KAT6A: variants seen among roughly 807,000 people sequenced by gnomAD.
The protein encoded by KAT6A is lysine acetyltransferase 6A.
In KAT6A, 9 loss-of-function variants were observed where a neutral mutation model predicts 198.4. The observed-to-expected ratio is 0.05, with a 90% CI of 0.03 to 0.08. The LOEUF is 0.08. KAT6A is among the 10% of genes least tolerant of loss of function. KAT6A has a pLI of 1.00. For synonymous variants in KAT6A, 890 were observed against 883.0 expected, an observed-to-expected ratio of 1.01 and a Z score of -0.14; for missense variants, 2,077 against 2,509.9, an observed-to-expected ratio of 0.83 and a Z score of 3.69.
intron 8 of KAT6A, among the ~76,000 whole-genome samples, chr8:41,967,521 C>T (rs866355300): frequency 5.0e-4 from 73 of 145,192 alleles, no homozygotes; most frequent in Non-Finnish European, 1.9e-4. Flanking sequence ...TGTTCAATTC[C>T]CACCTATGAG....
Position 41,932,269 on chromosome 8 carries a change from T to C in KAT6A, c.5951A>G (p.His1984Arg). The change falls in exon 17 of 17, where the codon CAC (histidine) becomes CGC (arginine). Residue 1984 changes from histidine (H) to arginine (R), a missense_variant. Physicochemically the swap from His to Arg is conservative, Grantham distance 29 (BLOSUM62 0). Transcript: ENST00000265713. Reference protein sequence around the residue: ...GNMMYTGPSHHSYMNAAGVPK... With the variant: ...GNMMYTGPSHRSYMNAAGVPK... The stretch of plus-strand genomic sequence containing the variant: ...CACGCCAGCAGCGTTCATGTAGCTG[T>C]GATGGGAGGGGCCTGTGTACATCAT... 1 of 1,614,098 alleles carries C rather than the reference T, an allele frequency of 6.2e-7. No individual in the cohort carries two copies. Among genetic ancestry groups the C allele is most frequent in the Non-Finnish European group, 8.5e-7 (1 of 1,179,990 alleles).
intron 8 of KAT6A, among the ~76,000 whole-genome samples, chr8:41,969,890 G>A (rs1339993074): frequency 1.3e-5 from 2 of 152,100 alleles, no homozygotes; most frequent in African/African-American, 4.8e-5. Context: ...TCTCTGAAAT[G>A]TTCTTCTCTA....
chr8:42,040,752 A>G (rs990402427), intron 2 of KAT6A, among the ~76,000 whole-genome samples: 32 of 150,544 alleles, frequency 2.1e-4, no homozygotes, highest in Non-Finnish European at 4.4e-4. Context: ...AAAAAAAAAA[A>G]AAAAAAAAGA....
chr8:42,048,795 T>C lies in KAT6A; in HGVS notation c.183A>G (p.Leu61=). The C allele has an allele frequency of 6.2e-7, 1 of 1,614,212 alleles. No homozygotes were observed. The highest frequency in any genetic ancestry group is 2.2e-5 in the East Asian group (1 of 44,890). Residue 61 remains leucine, a synonymous_variant, in exon 2 of 17, where the codon TTA becomes TTG. Transcript: ENST00000265713. The part of the protein sequence containing the change: ...LELSVKDGTI[L]KVSNKGLNSY... Reference sequence around the variant, plus strand: ...AATTGAGTCCTTTATTTGAGACTTTTAAAATTGTTCCATCTTTAACACTCA... The same window carrying C: ...AATTGAGTCCTTTATTTGAGACTTTCAAAATTGTTCCATCTTTAACACTCA...
intron 8 of KAT6A, among the ~76,000 whole-genome samples, chr8:41,963,950 A>G (rs1004832168): frequency 6.6e-6 from 1 of 152,268 alleles, no homozygotes; most frequent in East Asian, 1.9e-4. Context: ...CTCTTCTCCA[A>G]TAGTAAACTT....
rs1212601398 is a variant in KAT6A at position 41,929,777 on chromosome 8, T to C, written c.*2428A>G. 11 of 193,918 alleles carry C rather than the reference T, an allele frequency of 5.7e-5. No individual in the cohort carries two copies. The East Asian group carries it at 5.7e-4, about 10-fold the overall frequency. 12.0% of individuals were successfully genotyped at this position (193,918 alleles called of 1,614,324 possible). On this transcript the variant is annotated 3_prime_UTR_variant, in exon 17 of 17. Coordinates refer to ENST00000265713, the MANE Select transcript of KAT6A (RefSeq NM_006766.5). The stretch of plus-strand genomic sequence containing the variant: ...GCTTTTAGAGGCATCTGGAGCTCTA[T>C]TCACACACGCTAGAGATCTCTTTAA...
chr8:41,967,374 A>C (rs1414814938), intron 8 of KAT6A, among the ~76,000 whole-genome samples: 1 of 151,000 alleles, frequency 6.6e-6, no homozygotes, highest in Non-Finnish European at 1.5e-5. Flanking sequence ...TATACATGTG[A>C]CATGCTGGTG....
intron 2 of KAT6A, among the ~76,000 whole-genome samples, chr8:42,030,274 T>G (rs1203290344): frequency 2.0e-5 from 3 of 152,084 alleles, no homozygotes; most frequent in Non-Finnish European, 4.4e-5. Flanking sequence ...GGAACACAGA[T>G]CACTGGGGAT....
intron 10 of KAT6A, 107 bp downstream of exon 10, chr8:41,949,114 AT>A: frequency 1.5e-6 from 1 of 664,338 alleles, no homozygotes; most frequent in Non-Finnish European, 2.3e-6. Context: ...TACTTTTTCC[AT>A]TTTAGTGATA....
Position 42,051,895 on chromosome 8 carries a change from A to G in KAT6A, c.-326+6T>C, listed in dbSNP as rs1012744170. 6.7e-6 allele frequency: 1 copy of G among 148,662 alleles called. No homozygotes were observed. The highest frequency in any genetic ancestry group is 1.5e-5 in the Non-Finnish European group (1 of 66,690). 9.2% of individuals were successfully genotyped at this position (148,662 alleles called of 1,614,324 possible). A position where few individuals can be genotyped will look rare whatever the true frequency, so the allele number is the denominator to read the frequency against. Reference sequence around the variant, plus strand: ...GGCGGCCGGGAACGGCCCCTCGGCTACTTACCGGGAGGAAGGACAGCCGAG... The same window carrying G: ...GGCGGCCGGGAACGGCCCCTCGGCTGCTTACCGGGAGGAAGGACAGCCGAG... On this transcript the variant is annotated splice_donor_region_variant and intron_variant, in intron 1 of 16. Transcript: ENST00000265713.
At chr8:41,960,013 T>A (rs1823115175) in intron 8 of KAT6A, among the ~76,000 whole-genome samples, 1 of 150,824 alleles carries the variant, frequency 6.6e-6, no homozygotes, top group African/African-American at 2.4e-5. Flanking sequence ...AAAATACATA[T>A]GAACCTTGGG....
intron 2 of KAT6A, among the ~76,000 whole-genome samples, chr8:42,030,819 C>T (rs1362805910): frequency 6.6e-6 from 1 of 151,990 alleles, no homozygotes; most frequent in Non-Finnish European, 1.5e-5. Flanking sequence ...CTCAAGTGAT[C>T]TGCTTGCCTC....
chr8:41,949,401 T>C (rs575299420), intron 9 of KAT6A, 38 bp from the exon 10 acceptor site: 3 of 1,396,342 alleles, frequency 2.1e-6, no homozygotes, highest in African/African-American at 3.0e-5. Flanking sequence ...CAGGGCTTTA[T>C]ATTTTAGAGT....
chr8:42,046,467 C>T (rs571305586), intron 2 of KAT6A, among the ~76,000 whole-genome samples: 4 of 152,174 alleles, frequency 2.6e-5, no homozygotes, highest in Admixed American at 1.3e-4. Context: ...ACCTGGGAGG[C>T]GGAGGTTGCA....
intron 6 of KAT6A, among the ~76,000 whole-genome samples, chr8:41,978,381 T>C (rs1824173463): frequency 1.3e-5 from 2 of 152,240 alleles, no homozygotes; most frequent in Non-Finnish European, 2.9e-5. Context: ...TATGCCTTAG[T>C]TTCTTCCTTT....
chr8:42,017,053 A>G (rs1243565323), intron 2 of KAT6A, among the ~76,000 whole-genome samples: 1 of 152,162 alleles, frequency 6.6e-6, no homozygotes, highest in Middle Eastern at 3.2e-3. Context: ...TCTAATAAAT[A>G]TATAAAAAAT....
At chr8:42,015,777 A>T (rs1310705534) in intron 2 of KAT6A, among the ~76,000 whole-genome samples, 4 of 152,202 alleles carry the variant, frequency 2.6e-5, no homozygotes, top group Admixed American at 6.5e-5. Context: ...GCTATGAACA[A>T]CTGAGCTGAA....
intron 2 of KAT6A, among the ~76,000 whole-genome samples, chr8:42,032,348 T>C (rs1367804111): frequency 6.6e-6 from 1 of 152,142 alleles, no homozygotes; most frequent in Non-Finnish European, 1.5e-5. Flanking sequence ...AAAATTGTTA[T>C]ATCAAAAAAT....
At chr8:42,036,940 T>C (rs1827407653) in intron 2 of KAT6A, among the ~76,000 whole-genome samples, 1 of 152,164 alleles carries the variant, frequency 6.6e-6, no homozygotes, top group Admixed American at 6.5e-5. Flanking sequence ...AAGCATGCTA[T>C]TTCATCATTT....
Sources: gnomAD v4.1 joint callset for allele counts (sites outside exome capture counted in the v4.1 genomes callset) on GRCh38, gnomAD v4.1.1 for gene constraint, MANE v1.5 for transcripts, NCBI Gene and HGNC (gene_info 2026-07-23, HGNC 2026-07-21) for gene names.